Variants in CCSER1 observed in about 807,000 individuals in gnomAD.
The protein encoded by CCSER1 is serine-rich coiled-coil domain-containing protein 1.
Under a neutral mutation model 82.0 loss-of-function variants are expected in CCSER1, and 41 were observed. The observed-to-expected ratio is 0.50, with a 90% CI of 0.39 to 0.65. CCSER1 has a LOEUF of 0.65. Ranked by LOEUF, CCSER1 falls within the 30% of genes least tolerant of loss-of-function variation. The pLI is 0.00. For synonymous variants in CCSER1, 414 were observed against 383.9 expected (o/e 1.08, Z -0.92); for missense variants, 1,119 against 1,064.2 (o/e 1.05, Z -0.72).
At chr4:91,440,894 C>A (rs921165606) in intron 10 of CCSER1, among the ~76,000 whole-genome samples, 1 of 152,126 alleles carries the variant, frequency 6.6e-6, no homozygotes, top group African/African-American at 2.4e-5. Context: ...TTCCTCGACA[C>A]ATACACCCTC....
rs1236413536 is a variant in CCSER1, at chr4:91,603,676, A to G, written c.*4619A>G. The G allele has an allele frequency of 6.6e-6, 1 of 152,110 alleles. No individual in the cohort carries two copies. The highest frequency in any genetic ancestry group is 2.4e-5 in the African/African-American group (1 of 41,424). 9.4% of individuals were successfully genotyped at this position (152,110 alleles called of 1,614,324 possible). A position where few individuals can be genotyped will look rare whatever the true frequency, so the allele number is the denominator to read the frequency against. On this transcript the variant is annotated 3_prime_UTR_variant, in exon 11 of 11. Transcript: ENST00000509176. ...AAATTCAAGAATAGGAGCATCCTAC[A>G]TCTTTCATTCTTTCCAAACATTACC...
chr4:90,232,382 C>A (rs1289186443), intron 1 of CCSER1, among the ~76,000 whole-genome samples: 1 of 151,998 alleles, frequency 6.6e-6, no homozygotes, highest in Non-Finnish European at 1.5e-5. Context: ...AAAGGATTCC[C>A]TATTTAATAA....
intron 1 of CCSER1, among the ~76,000 whole-genome samples, chr4:90,154,664 G>T (rs1661435114): frequency 6.7e-6 from 1 of 148,266 alleles, no homozygotes; most frequent in Non-Finnish European, 1.5e-5. Context: ...GTTCACTCAT[G>T]ATTTGGCTCT....
chr4:91,000,658 C>A (rs149018067), intron 9 of CCSER1, among the ~76,000 whole-genome samples: 357 of 152,024 alleles, frequency 2.3e-3, no homozygotes, highest in African/African-American at 7.4e-3. Flanking sequence ...TAGATGTATT[C>A]CTAGACACTT....
At chr4:90,745,775 C>G (rs1747337560) in intron 7 of CCSER1, among the ~76,000 whole-genome samples, 1 of 149,770 alleles carries the variant, frequency 6.7e-6, no homozygotes, top group Non-Finnish European at 1.5e-5. Context: ...CTGCAAGCTC[C>G]GCCTCCTGGG....
chr4:90,770,297 T>C (rs1463892120), intron 7 of CCSER1, among the ~76,000 whole-genome samples: 1 of 152,184 alleles, frequency 6.6e-6, no homozygotes, highest in Non-Finnish European at 1.5e-5. Flanking sequence ...AAATACTTGT[T>C]CCATTTAATG....
intron 1 of CCSER1, among the ~76,000 whole-genome samples, chr4:90,246,599 C>G (rs547266068): frequency 5.3e-5 from 8 of 152,176 alleles, no homozygotes; most frequent in Admixed American, 1.3e-4. Context: ...TCTGCTGGTG[C>G]TTGGTATTCT....
intron 4 of CCSER1, among the ~76,000 whole-genome samples, chr4:90,424,718 C>T (rs1757292225): frequency 6.6e-6 from 1 of 152,216 alleles, no homozygotes; most frequent in Non-Finnish European, 1.5e-5. Context: ...AAGTCTACTT[C>T]CAGTTCAGTC....
chr4:91,192,963 G>A (rs1323875496), intron 10 of CCSER1, among the ~76,000 whole-genome samples: 1 of 151,950 alleles, frequency 6.6e-6, no homozygotes, highest in East Asian at 1.9e-4. Flanking sequence ...ACCTCCCACA[G>A]CCTTTACATT....
chr4:91,499,994 G>C (rs78187040), intron 10 of CCSER1, among the ~76,000 whole-genome samples: 15,947 of 152,012 alleles, frequency 0.1, 990 homozygotes, highest in Middle Eastern at 0.19. Context: ...AAATCAATAA[G>C]TGCAATTCCT....
chr4:90,956,488 C>G (rs1296433625), intron 9 of CCSER1, among the ~76,000 whole-genome samples: 1 of 152,140 alleles, frequency 6.6e-6, no homozygotes, highest in African/African-American at 2.4e-5. Flanking sequence ...ACTATTCAGA[C>G]AGGCATCTAA....
intron 3 of CCSER1, among the ~76,000 whole-genome samples, chr4:90,378,951 A>G (rs1373749299): frequency 1.3e-5 from 2 of 152,192 alleles, no homozygotes; most frequent in African/African-American, 2.4e-5. Flanking sequence ...GAACAGGAAC[A>G]CACATCTACC....
intron 6 of CCSER1, among the ~76,000 whole-genome samples, chr4:90,652,010 G>GTA (rs1392354978): frequency 6.6e-6 from 1 of 152,078 alleles, no homozygotes; most frequent in African/African-American, 2.4e-5. Context: ...TAAATTTCCT[G>GTA]TATATTTAAC....
chr4:90,360,247 G>A (rs112087609), intron 3 of CCSER1, among the ~76,000 whole-genome samples: 8,256 of 147,450 alleles, frequency 0.056, 305 homozygotes, highest in East Asian at 0.18. Flanking sequence ...AAACATCCAC[G>A]GCCAGACGTG....
chr4:91,556,174 G>C (rs1000365600), intron 10 of CCSER1, among the ~76,000 whole-genome samples: 2 of 151,220 alleles, frequency 1.3e-5, no homozygotes, highest in Non-Finnish European at 3.0e-5. Context: ...CCCAAGAAAT[G>C]AGTGAATGCT....
chr4:91,006,179 C>A (rs1738485218), intron 9 of CCSER1, among the ~76,000 whole-genome samples: 1 of 151,874 alleles, frequency 6.6e-6, no homozygotes, highest in African/African-American at 2.4e-5. Flanking sequence ...GTCTTCTATT[C>A]CATTTTTTTT....
chr4:90,960,971 G>A (rs1317933000), intron 9 of CCSER1, among the ~76,000 whole-genome samples: 2 of 152,276 alleles, frequency 1.3e-5, no homozygotes, highest in East Asian at 1.9e-4. Context: ...TTGGCTCAGA[G>A]TTCATGCTCA....
intron 9 of CCSER1, among the ~76,000 whole-genome samples, chr4:91,072,114 C>T (rs1721500250): frequency 6.6e-6 from 1 of 151,934 alleles, no homozygotes; most frequent in Non-Finnish European, 1.5e-5. Flanking sequence ...ATATGATGAC[C>T]CAAGTCCCTG....
intron 1 of CCSER1, among the ~76,000 whole-genome samples, chr4:90,142,730 T>A (rs1008942597): frequency 3.2e-4 from 48 of 152,142 alleles, no homozygotes; most frequent in African/African-American, 1.1e-3. Flanking sequence ...CACTTTTTTT[T>A]AAAGAGAAAA....
Sources: gnomAD v4.1 joint callset for allele counts (sites outside exome capture counted in the v4.1 genomes callset) on GRCh38, gnomAD v4.1.1 for gene constraint, MANE v1.5 for transcripts, NCBI Gene and HGNC (gene_info 2026-07-23, HGNC 2026-07-21) for gene names.